Variants in RADIL observed in about 807,000 individuals in gnomAD.
The protein encoded by RADIL is ras-associating and dilute domain-containing protein.
RADIL carries 99 observed loss-of-function variants against 97.6 expected under a neutral mutation model. The observed-to-expected ratio is 1.01, with a 90% CI of 0.86 to 1.20. The LOEUF is 1.20. RADIL is among the 50% of genes most tolerant of loss of function. RADIL has a pLI of 0.00. For synonymous variants in RADIL, 803 were observed against 691.8 expected, an observed-to-expected ratio of 1.16 and a Z score of -2.52; for missense variants, 1,765 against 1,498.9, an observed-to-expected ratio of 1.18 and a Z score of -2.93.
At chr7:4,881,193 A>G (rs1408107290) in intron 1 of RADIL, among the ~76,000 whole-genome samples, 8 of 150,704 alleles carry the variant, frequency 5.3e-5, no homozygotes, top group African/African-American at 2.0e-4. Context: ...AGGCGGGCAG[A>G]TCACGAGGTC....
chr7:4,845,939 G>A (rs1225953834), intron 2 of RADIL, among the ~76,000 whole-genome samples: 2 of 152,104 alleles, frequency 1.3e-5, no homozygotes, highest in African/African-American at 4.8e-5. Context: ...GCTGTAGCCA[G>A]TTACCCCGGG....
Position 4,848,156 on chromosome 7 carries a change from C to T in RADIL, c.536-11551G>A, listed in dbSNP as rs560634601. Among the ~76,000 whole-genome samples, 5 of 150,540 alleles carry T rather than the reference C, an allele frequency of 3.3e-5. No homozygotes were observed. The South Asian group carries it at 1.0e-3, about 32-fold the overall frequency. On this transcript the variant is annotated intron_variant, in intron 2 of 14. Transcript: ENST00000399583. ...TGGAGGTTGCAGTGAGCTGAGATCA[C>T]ACCACTGCACTCCAGCCTGGGTGAC...
At position 4,849,041 on chromosome 7, in the gene RADIL, A is replaced by G. The variant is rs911343044; in HGVS notation, c.536-12436T>C. On this transcript the variant is annotated intron_variant, in intron 2 of 14. Coordinates refer to ENST00000399583, the MANE Select transcript of RADIL (RefSeq NM_018059.5). This position sits in a 1 kb window ranked among gnomAD's most constrained non-coding sequence, Gnocchi z 5.4. ...TAATCCCAGCTACTCGAGAGACTGA[A>G]GCAGGAGAATCGTTTGAACCTGGGA... Among the ~76,000 whole-genome samples, 1 of 152,050 alleles carries G rather than the reference A, an allele frequency of 6.6e-6. No individual in the cohort carries two copies. Among genetic ancestry groups the G allele is most frequent in the South Asian group, 2.1e-4 (1 of 4,804 alleles).
At position 4,837,790 on chromosome 7, in the gene RADIL, G is replaced by A. The variant is rs1583296513; in HGVS notation, c.536-1185C>T. ...GACACGCTCTCTAAATGCATGCTCT[G>A]GGAAAGCCAGCCGGCTGCGATAGAT... On this transcript the variant is annotated intron_variant, in intron 2 of 14. Transcript: ENST00000399583. The surrounding 1 kb of genome is among the most constrained non-coding windows in gnomAD (Gnocchi z 5.6). The A allele has an allele frequency of 1.2e-5, 12 of 968,414 alleles. No homozygotes were observed. Among genetic ancestry groups the A allele is most frequent in the Middle Eastern group, 5.3e-4 (1 of 1,882 alleles). The allele number at this position is 968,414 out of a possible 1,614,324, so 60.0% of individuals were successfully genotyped here. A position where few individuals can be genotyped will look rare whatever the true frequency, so the allele number is the denominator to read the frequency against.
chr7:4,828,793 G>C (rs1169434188), intron 5 of RADIL, among the ~76,000 whole-genome samples: 2 of 152,202 alleles, frequency 1.3e-5, no homozygotes, highest in African/African-American at 4.8e-5. Flanking sequence ...CTGTTTTTAG[G>C]TCCTAACGAT....
In RADIL at chr7:4,803,630, G is replaced by C; in HGVS notation, c.2415C>G (p.His805Gln). 6.5e-7 allele frequency: 1 copy of C among 1,550,032 alleles called. No individual in the cohort carries two copies. Among genetic ancestry groups the C allele is most frequent in the African/African-American group, 1.4e-5 (1 of 73,142 alleles). ...CTCTGCTCCGCAGACCCCACAGAAAGTGGCGGACGTAGAGCAGGTGCTGGT... is the reference window on the plus strand; with the variant it reads ...CTCTGCTCCGCAGACCCCACAGAAACTGGCGGACGTAGAGCAGGTGCTGGT... ...SIYQHLLYVR[H>Q]FLWGLRSRAS... Residue 805 changes from histidine to glutamine, a missense_variant, in exon 11 of 15, where the codon CAC becomes CAG. His to Gln is a conservative substitution (Grantham distance 24). Coordinates refer to ENST00000399583, the MANE Select transcript of RADIL (RefSeq NM_018059.5).
At chr7:4,865,319 G>A (rs185069545) in intron 2 of RADIL, 38 of 507,744 alleles carry the variant, frequency 7.5e-5, no homozygotes, top group Admixed American at 4.1e-4. Context: ...TGATGGCCCT[G>A]CAAGAATACA....
chr7:4,798,212 G>A lies in RADIL; in HGVS notation c.*1166C>T, dbSNP rs930210221. The A allele has an allele frequency of 6.6e-5, 10 of 151,838 alleles. No individual in the cohort carries two copies. Among genetic ancestry groups the A allele is most frequent in the Non-Finnish European group, 1.0e-4 (7 of 67,972 alleles). The allele number at this position is 151,838 out of a possible 1,614,324, so 9.4% of individuals were successfully genotyped here. A position where few individuals can be genotyped will look rare whatever the true frequency, so the allele number is the denominator to read the frequency against. On this transcript the variant is annotated 3_prime_UTR_variant, in exon 15 of 15. Coordinates refer to ENST00000399583, the MANE Select transcript of RADIL (RefSeq NM_018059.5). Reference sequence around the variant, plus strand: ...CGCCGTTTCGAGCCAGGCGCAATGCGGAGCCGCACACAGAACTGCGGGTCG... The same window carrying A: ...CGCCGTTTCGAGCCAGGCGCAATGCAGAGCCGCACACAGAACTGCGGGTCG...
chr7:4,828,435 G>A (rs956573163), intron 5 of RADIL, among the ~76,000 whole-genome samples: 1 of 152,250 alleles, frequency 6.6e-6, no homozygotes, highest in Admixed American at 6.5e-5. Flanking sequence ...TCCAGCCTGG[G>A]TGACAGAATG....
chr7:4,845,404 C>A (rs903856991), intron 2 of RADIL, among the ~76,000 whole-genome samples: 1 of 152,160 alleles, frequency 6.6e-6, no homozygotes, highest in African/African-American at 2.4e-5. Flanking sequence ...GGTGACAGAG[C>A]AAGACCTCAT....
chr7:4,848,524 A>C (rs1419517262), intron 2 of RADIL, among the ~76,000 whole-genome samples: 1 of 152,180 alleles, frequency 6.6e-6, no homozygotes, highest in Non-Finnish European at 1.5e-5. Context: ...AAATAATGAA[A>C]AGTAGCAAGG....
intron 2 of RADIL, among the ~76,000 whole-genome samples, chr7:4,847,541 A>G (rs533071661): frequency 6.6e-6 from 1 of 152,282 alleles, no homozygotes; most frequent in East Asian, 1.9e-4. Context: ...ATGCTTATGC[A>G]CAAATGTTCA....
rs1191100712 is a variant in RADIL, at chr7:4,835,468, G to A, written c.784-229C>T. Among the ~76,000 whole-genome samples the A allele has an allele frequency of 3.3e-5, 5 of 152,152 alleles. No individual in the cohort carries two copies. The highest frequency in any genetic ancestry group is 7.4e-5 in the Non-Finnish European group (5 of 68,026). On this transcript the variant is annotated intron_variant, in intron 3 of 14. Transcript: ENST00000399583. The surrounding 1 kb of genome is among the most constrained non-coding windows in gnomAD (Gnocchi z 5.8). ...CGGTTTCCCGGAGGAGCACACGAGA[G>A]ACCCAGGAGACACCCAGCTTTGAGA...
In RADIL at chr7:4,830,369, T is replaced by TATCAGATC. The variant is rs148305834; in HGVS notation, c.1454+1764_1454+1771dup. On this transcript the variant is annotated intron_variant, in intron 5 of 14. Transcript: ENST00000399583. Reference sequence around the variant, plus strand: ...GTAGGCCGCAGGGGCTGCACGTCTGTATCAGATCAACCGAATGGTTTCCCA... The same window carrying TATCAGATC: ...GTAGGCCGCAGGGGCTGCACGTCTGTATCAGATCATCAGATCAACCGAATGGTTTCCCA... Among the ~76,000 whole-genome samples, 916 of 152,232 alleles carry TATCAGATC rather than the reference T, an allele frequency of 6.0e-3. 10 individuals carry two copies. Among genetic ancestry groups the TATCAGATC allele is most frequent in the African/African-American group, 0.021 (863 of 41,544 alleles).
chr7:4,858,133 T>C (rs1428626387), intron 2 of RADIL: 1 of 152,404 alleles, frequency 6.6e-6, no homozygotes, highest in East Asian at 1.9e-4. Flanking sequence ...TACTGTGTAC[T>C]AGATATCAGA....
rs1299827671 is a variant in RADIL at position 4,842,909 on chromosome 7, G to GAT, written c.536-6305_536-6304insAT. Among the ~76,000 whole-genome samples, 16 of 151,818 alleles carry GAT rather than the reference G, an allele frequency of 1.1e-4. No individual in the cohort carries two copies. Among genetic ancestry groups the GAT allele is most frequent in the Admixed American group, 3.9e-4 (6 of 15,230 alleles). ...AGTGCAGTGTGGATTCACAGGCGTG[G>GAT]TCACCATAATACCCTGCAGCCTCGA... On this transcript the variant is annotated intron_variant, in intron 2 of 14. Coordinates refer to ENST00000399583, the MANE Select transcript of RADIL (RefSeq NM_018059.5). This position sits in a 1 kb window ranked among gnomAD's most constrained non-coding sequence, Gnocchi z 4.5.
chr7:4,832,351 A>C, intron 4 of RADIL, 173 bp from the exon 5 acceptor site: 1 of 648,850 alleles, frequency 1.5e-6, no homozygotes, highest in Non-Finnish European at 2.8e-6. Context: ...ATGTGACTTC[A>C]ACATCTTCCC....
intron 2 of RADIL, among the ~76,000 whole-genome samples, chr7:4,838,240 C>T (rs866524027): frequency 2.0e-5 from 3 of 152,202 alleles, no homozygotes; most frequent in Admixed American, 1.3e-4. Flanking sequence ...CTCCCACAAG[C>T]GTTACCAGCC....
chr7:4,814,655 C>T lies in RADIL; in HGVS notation c.2139+623G>A, dbSNP rs983568069. ...CAAATGCCCACACGCCTGGCGGTCA[C>T]GGCCACACAGTGCACTCTCACAGCT... On this transcript the variant is annotated intron_variant, in intron 9 of 14. Coordinates refer to ENST00000399583, the MANE Select transcript of RADIL (RefSeq NM_018059.5). The surrounding 1 kb of genome is among the most constrained non-coding windows in gnomAD (Gnocchi z 4.5). 2.0e-5 allele frequency among the ~76,000 whole-genome samples: 3 copies of T among 152,212 alleles called. No homozygotes were observed. The highest frequency in any genetic ancestry group is 6.5e-5 in the Admixed American group (1 of 15,278).
Sources: allele counts gnomAD v4.1 joint callset (sites outside exome capture counted in the v4.1 genomes callset), GRCh38; gene constraint gnomAD v4.1.1; non-coding constraint Gnocchi (gnomAD v3.1); transcripts MANE v1.5; gene names NCBI Gene and HGNC (gene_info 2026-07-23, HGNC 2026-07-21).